Variants in HFM1 observed in about 807,000 individuals in gnomAD.
The protein encoded by HFM1 is helicase for meiosis 1.
A neutral mutation model predicts 192.1 loss-of-function variants in HFM1; 169 were observed. The observed-to-expected ratio is 0.88, with a 90% CI of 0.78 to 1.00. The LOEUF is 1.00. Among genes scored for constraint, HFM1 ranks in the 50% least tolerant of loss-of-function variants. HFM1 has a pLI of 0.00. For missense variants in HFM1, 1,661 were observed against 1,668.0 expected (o/e 1.00, Z 0.07); for synonymous variants, 525 against 537.8 (o/e 0.98, Z 0.33).
At chr1:91,320,511 C>G (rs955125671) in intron 23 of HFM1, among the ~76,000 whole-genome samples, 6 of 152,036 alleles carry the variant, frequency 3.9e-5, no homozygotes, top group Non-Finnish European at 8.8e-5. Context: ...CCTAGAGATG[C>G]ACAAATGTGG....
At chr1:91,309,427 A>G (rs1650119113) in intron 30 of HFM1, among the ~76,000 whole-genome samples, 1 of 152,268 alleles carries the variant, frequency 6.6e-6, no homozygotes, top group Non-Finnish European at 1.5e-5. Flanking sequence ...AATATAAAAT[A>G]AAATGAAACA....
chr1:91,291,481 A>G (rs1162577792), intron 30 of HFM1, among the ~76,000 whole-genome samples: 2 of 152,112 alleles, frequency 1.3e-5, no homozygotes, highest in East Asian at 3.8e-4. Flanking sequence ...CGACACATAC[A>G]CTCTCCCAAG....
intron 30 of HFM1, among the ~76,000 whole-genome samples, chr1:91,277,582 T>TTATATATATAC (rs2100784649): frequency 8.7e-5 from 1 of 11,514 alleles, no homozygotes; most frequent in East Asian, 2.4e-3. Flanking sequence ...TATATATACT[T>TTATATATATAC]TATATATAAT....
intron 23 of HFM1, among the ~76,000 whole-genome samples, chr1:91,321,861 A>T (rs1328668912): frequency 6.6e-6 from 1 of 152,258 alleles, no homozygotes; most frequent in Non-Finnish European, 1.5e-5. Flanking sequence ...GAAAGTGCAA[A>T]TAAAGTGTTC....
intron 34 of HFM1, among the ~76,000 whole-genome samples, chr1:91,269,336 CTT>C (rs1352337972): frequency 2.0e-5 from 3 of 151,966 alleles, no homozygotes; most frequent in African/African-American, 7.2e-5. Flanking sequence ...GTATTTTTGC[CTT>C]TGTTTTTAAC....
chr1:91,368,951 A>G (rs1314197318), intron 13 of HFM1, among the ~76,000 whole-genome samples: 3 of 152,190 alleles, frequency 2.0e-5, no homozygotes, highest in East Asian at 1.9e-4. Flanking sequence ...TTGCAATCCT[A>G]GTCTCTGATA....
chr1:91,286,737 A>G (rs1668014079), intron 30 of HFM1, among the ~76,000 whole-genome samples: 2 of 152,172 alleles, frequency 1.3e-5, no homozygotes, highest in Admixed American at 6.6e-5. Context: ...CTGCATTTCC[A>G]TCTGAGGTAC....
chr1:91,378,089 T>A lies in HFM1; in HGVS notation c.1331A>T (p.Asn444Ile), dbSNP rs1661116547. The change falls in exon 11 of 39, where the codon AAT becomes ATT. Residue 444 changes from asparagine (N) to isoleucine (I), a missense_variant. By Grantham distance (149) the Asn-to-Ile change is moderately radical (BLOSUM62 -3). Transcript: ENST00000370425. The part of the protein sequence containing the change: ...TVQSVSQTLK[N>I]TSTAIPMRFV... ...TCGCATTGGAATAGCAGTGCTGGTA[T>A]TTTTTAAAGTCTGAGAAACAGACTG... 1.2e-6 allele frequency: 2 copies of A among 1,611,748 alleles called. No individual in the cohort carries two copies. The highest frequency in any genetic ancestry group is 1.7e-6 in the Non-Finnish European group (2 of 1,178,526).
chr1:91,368,041 T>C (rs531203031), intron 13 of HFM1, among the ~76,000 whole-genome samples: 73 of 151,800 alleles, frequency 4.8e-4, no homozygotes, highest in African/African-American at 1.7e-3. Context: ...GTGAGAAGTT[T>C]AGAGAAAAAA....
intron 20 of HFM1, chr1:91,328,953 T>C: frequency 2.5e-6 from 4 of 1,612,476 alleles, no homozygotes; most frequent in Non-Finnish European, 3.4e-6. Context: ...CCTGTGCTAA[T>C]GCAACACCTG....
chr1:91,268,758 GT>G, intron 34 of HFM1, among the ~76,000 whole-genome samples: 1 of 152,124 alleles, frequency 6.6e-6, no homozygotes, highest in Middle Eastern at 3.4e-3. Context: ...CTCATTGAAT[GT>G]TTTCATTAAG....
chr1:91,295,409 C>T (rs1557800223), intron 30 of HFM1, among the ~76,000 whole-genome samples: 1 of 152,168 alleles, frequency 6.6e-6, no homozygotes, highest in Non-Finnish European at 1.5e-5. Context: ...CTCTCCTTGG[C>T]TTGTGAATGG....
At chr1:91,303,588 CT>C (rs1235534506) in intron 30 of HFM1, among the ~76,000 whole-genome samples, 1 of 152,174 alleles carries the variant, frequency 6.6e-6, no homozygotes, top group Non-Finnish European at 1.5e-5. Flanking sequence ...GAAATACCAA[CT>C]GTTTTTCAAA....
At chr1:91,390,349 T>C (rs926439213) in intron 4 of HFM1, among the ~76,000 whole-genome samples, 2 of 151,218 alleles carry the variant, frequency 1.3e-5, no homozygotes, top group African/African-American at 2.4e-5. Context: ...GGCAGGAGAA[T>C]TGCCTGAACC....
chr1:91,405,097 C>T (rs1179635740), upstream of HFM1, among the ~76,000 whole-genome samples: 1 of 152,108 alleles, frequency 6.6e-6, no homozygotes, highest in Admixed American at 6.5e-5. Flanking sequence ...CAAACATACC[C>T]CAACCTGCCT....
Position 91,323,146 on chromosome 1 carries a change from AT to A in HFM1, c.2480del (p.Asn827MetfsTer6). The A allele has an allele frequency of 6.3e-7, 1 of 1,596,108 alleles. No individual in the cohort carries two copies. The highest frequency in any genetic ancestry group is 8.6e-7 in the Non-Finnish European group (1 of 1,166,668). On this transcript the variant is annotated frameshift_variant, in exon 22 of 39. Transcript: ENST00000370425. LOFTEE classifies it high-confidence loss of function. ...TCAAAGTATTCAGTGTTTTCTTTTC[AT>A]TTATCCTTAACTGTATATCTAGAAA... ...KEFLDIQLRI[N>X]EKKTLNTLNK...
chr1:91,261,478 A>T, intron 38 of HFM1, 119 bp from the exon 39 acceptor site: 4 of 449,670 alleles, frequency 8.9e-6, no homozygotes, highest in Non-Finnish European at 1.5e-5. Context: ...CTATGAAGTT[A>T]ATGTATCAAA....
rs149240448 is a variant in HFM1, at chr1:91,367,001, C to T, written c.1685+8357G>A. On this transcript the variant is annotated intron_variant, in intron 13 of 38. Transcript: ENST00000370425. ...GGAGGGTCCTACACCCACAGAGCCT[C>T]GCTCATTGCTAGCACAGCAGTCTGA... 5.9e-4 allele frequency among the ~76,000 whole-genome samples: 90 copies of T among 152,304 alleles called. 2 individuals are homozygous for T. In the East Asian group the frequency reaches 9.7e-3, roughly 16 times the overall value.
chr1:91,313,121 C>T (rs1009661908), intron 30 of HFM1, among the ~76,000 whole-genome samples: 12 of 152,126 alleles, frequency 7.9e-5, no homozygotes, highest in African/African-American at 2.9e-4. Flanking sequence ...TGGACTAATA[C>T]ATATACCAAA....
Sources: allele counts gnomAD v4.1 joint callset (sites outside exome capture counted in the v4.1 genomes callset), GRCh38; gene constraint gnomAD v4.1.1; transcripts MANE v1.5; gene names NCBI Gene and HGNC (gene_info 2026-07-23, HGNC 2026-07-21).